The following WWOX variants were observed in gnomAD, a reference collection of about 807,000 sequenced individuals.
The protein encoded by WWOX is WW domain containing oxidoreductase, also known as WW domain-containing oxidoreductase.
Under a neutral mutation model 46.2 loss-of-function variants are expected in WWOX, and 69 were observed. The ratio of observed to expected loss-of-function variants is 1.49; its 90% CI spans 1.23 to 1.82. WWOX has a LOEUF of 1.82. Among genes scored for constraint, WWOX ranks in the 40% most tolerant of loss-of-function variants. The probability of loss-of-function intolerance (pLI) is 0.00; values close to 1 mark genes in which losing one functional copy is unlikely to be tolerated. For synonymous variants in WWOX, 359 were observed against 202.6 expected, an observed-to-expected ratio of 1.77 and a Z score of -6.56; for missense variants, 919 against 542.6, an observed-to-expected ratio of 1.69 and a Z score of -6.89.
At chr16:78,728,552 A>T (rs972086054) in intron 8 of WWOX, among the ~76,000 whole-genome samples, 1 of 152,138 alleles carries the variant, frequency 6.6e-6, no homozygotes, top group East Asian at 1.9e-4. Context: ...TCCGCTGTCT[A>T]GTTGTAAAAG....
intron 8 of WWOX, among the ~76,000 whole-genome samples, chr16:78,830,835 G>C (rs1052621699): frequency 6.6e-6 from 1 of 151,912 alleles, no homozygotes; most frequent in Non-Finnish European, 1.5e-5. Flanking sequence ...TATTTCTGTC[G>C]TTTGCAGAGT....
intron 8 of WWOX, among the ~76,000 whole-genome samples, chr16:78,958,195 G>T (rs74032453): frequency 0.057 from 8,605 of 152,188 alleles, 437 homozygotes; most frequent in East Asian, 0.27. Flanking sequence ...CGCCAGACTA[G>T]CTGACTTAAA....
intron 5 of WWOX, among the ~76,000 whole-genome samples, chr16:78,191,974 A>C (rs770747402): frequency 6.6e-6 from 1 of 152,206 alleles, no homozygotes; most frequent in East Asian, 1.9e-4. Context: ...ACCTGGAATT[A>C]TATAAAGAAT....
intron 8 of WWOX, among the ~76,000 whole-genome samples, chr16:78,841,721 TG>T (rs2052156133): frequency 6.6e-6 from 1 of 152,236 alleles, no homozygotes; most frequent in Admixed American, 6.5e-5. Context: ...GATACACTCC[TG>T]TCCGAGAAGT....
chr16:78,963,939 C>A (rs1183782897), intron 8 of WWOX, among the ~76,000 whole-genome samples: 2 of 152,114 alleles, frequency 1.3e-5, no homozygotes, highest in African/African-American at 2.4e-5. Flanking sequence ...TTCATAAGAT[C>A]CAATGAATTT....
intron 8 of WWOX, among the ~76,000 whole-genome samples, chr16:79,190,249 T>G (rs1037272370): frequency 2.6e-5 from 4 of 152,072 alleles, no homozygotes. Context: ...GGTCTCGAAC[T>G]CCTGACCTCA....
intron 8 of WWOX, among the ~76,000 whole-genome samples, chr16:78,910,075 A>G (rs1440413778): frequency 6.6e-6 from 1 of 152,206 alleles, no homozygotes; most frequent in Non-Finnish European, 1.5e-5. Flanking sequence ...TGTTATTATT[A>G]TCATTTTTCA....
intron 8 of WWOX, among the ~76,000 whole-genome samples, chr16:78,609,961 C>A: frequency 6.8e-6 from 1 of 147,548 alleles, no homozygotes; most frequent in Non-Finnish European, 1.5e-5. Context: ...GCTCAGAGCC[C>A]CCACCCCCAC....
chr16:79,153,630 G>T (rs16949723), intron 8 of WWOX, among the ~76,000 whole-genome samples: 2,354 of 152,140 alleles, frequency 0.015, 65 homozygotes, highest in African/African-American at 0.052. Context: ...TAGATTTTGT[G>T]GTCACCATAT....
intron 8 of WWOX, among the ~76,000 whole-genome samples, chr16:78,641,932 G>A (rs193045268): frequency 1.2e-4 from 18 of 152,188 alleles, no homozygotes; most frequent in Admixed American, 7.2e-4. Flanking sequence ...GATCTTGATC[G>A]CAGACACGGA....
chr16:78,327,234 T>C (rs545653529), intron 5 of WWOX, among the ~76,000 whole-genome samples: 2 of 152,134 alleles, frequency 1.3e-5, no homozygotes, highest in Non-Finnish European at 2.9e-5. Context: ...TAAATGGATG[T>C]GTCATATCGG....
intron 8 of WWOX, among the ~76,000 whole-genome samples, chr16:78,894,991 C>G (rs1260163001): frequency 6.6e-6 from 1 of 152,184 alleles, no homozygotes; most frequent in African/African-American, 2.4e-5. Context: ...TGTACAGAAG[C>G]TGGAGATCCC....
intron 8 of WWOX, among the ~76,000 whole-genome samples, chr16:78,808,024 T>C: frequency 6.6e-6 from 1 of 152,178 alleles, no homozygotes; most frequent in East Asian, 1.9e-4. Flanking sequence ...GTCAACCAGT[T>C]CAAATGTCCC....
At chr16:78,702,042 T>TATATATATAA (rs1229780052) in intron 8 of WWOX, among the ~76,000 whole-genome samples, 17 of 120,924 alleles carry the variant, frequency 1.4e-4, no homozygotes, top group African/African-American at 6.0e-4. Context: ...TATATATATA[T>TATATATATAA]ATAAAATAAT....
At chr16:78,403,701 C>A (rs1428917740) in intron 6 of WWOX, among the ~76,000 whole-genome samples, 2 of 152,224 alleles carry the variant, frequency 1.3e-5, no homozygotes, top group Non-Finnish European at 2.9e-5. Flanking sequence ...CGCATGGGGG[C>A]TCCCCAGATT....
chr16:78,982,430 A>T (rs1251735402), intron 8 of WWOX, among the ~76,000 whole-genome samples: 1 of 152,258 alleles, frequency 6.6e-6, no homozygotes, highest in Non-Finnish European at 1.5e-5. Context: ...CCAATTAAAT[A>T]GTGAAATGTC....
intron 8 of WWOX, among the ~76,000 whole-genome samples, chr16:78,697,101 T>G (rs1345897001): frequency 6.6e-6 from 1 of 152,242 alleles, no homozygotes; most frequent in Non-Finnish European, 1.5e-5. Flanking sequence ...TTTTTGCAAT[T>G]GTGAATTGTT....
chr16:79,186,667 T>C (rs779475817), intron 8 of WWOX, among the ~76,000 whole-genome samples: 2 of 152,134 alleles, frequency 1.3e-5, no homozygotes, highest in Non-Finnish European at 1.5e-5. Context: ...ATTCAACCTA[T>C]AACAAGTAAT....
intron 8 of WWOX, among the ~76,000 whole-genome samples, chr16:78,691,706 T>G (rs1006482243): frequency 6.6e-6 from 1 of 152,078 alleles, no homozygotes; most frequent in Non-Finnish European, 1.5e-5. Flanking sequence ...AGACCGTGTC[T>G]CCAAAAGGAA....
Sources: allele counts gnomAD v4.1 joint callset (sites outside exome capture counted in the v4.1 genomes callset), GRCh38; gene constraint gnomAD v4.1.1; transcripts MANE v1.5; gene names NCBI Gene and HGNC (gene_info 2026-07-23, HGNC 2026-07-21).